The following VPS8 variants were observed in gnomAD, a reference collection of about 807,000 sequenced individuals.
VPS8 encodes the protein VPS8 subunit of CORVET complex.
In VPS8, 129 loss-of-function variants were observed where a neutral mutation model predicts 216.4. The observed-to-expected ratio is 0.60, with a 90% confidence interval of 0.52 to 0.69. VPS8 has a LOEUF of 0.69. Ranked by LOEUF, VPS8 falls within the 30% of genes least tolerant of loss-of-function variation. VPS8 has a pLI of 0.00. For missense variants in VPS8, 1,531 were observed against 1,683.5 expected (o/e 0.91, Z 1.59); for synonymous variants, 571 against 565.4 (o/e 1.01, Z -0.14).
chr3:185,017,184 G>A lies in VPS8; in HGVS notation c.4003-7152G>A, dbSNP rs140329054. Among the ~76,000 whole-genome samples, 330 of 152,134 alleles carry A rather than the reference G, an allele frequency of 2.2e-3. 4 individuals are homozygous for A. The highest frequency in any genetic ancestry group is 7.5e-3 in the African/African-American group (311 of 41,502). On this transcript the variant is annotated intron_variant, in intron 45 of 47. Coordinates refer to ENST00000625842, the MANE Select transcript of VPS8 (RefSeq NM_001009921.3). ...TTGAATAGTCCAGGTTGTCCATCGG[G>A]CCCTTCACAATGCAAAATATAACTA...
intron 45 of VPS8, among the ~76,000 whole-genome samples, chr3:185,016,386 T>G (rs1331968831): frequency 6.6e-6 from 1 of 152,336 alleles, no homozygotes; most frequent in East Asian, 1.9e-4. Flanking sequence ...TATATATCCA[T>G]ATAATGAATA....
At position 184,992,139 on chromosome 3, in the gene VPS8, A is replaced by G. The variant is rs1009938818; in HGVS notation, c.3586-1844A>G. ...ATCTTAGTTAGAAACTGCACAACCT[A>G]TTCTGCAAGAGCCATCACTAGAACC... On this transcript the variant is annotated intron_variant, in intron 42 of 47. Transcript: ENST00000625842. Among the ~76,000 whole-genome samples, 6 of 152,154 alleles carry G rather than the reference A, an allele frequency of 3.9e-5. No individual in the cohort carries two copies. The East Asian group carries it at 5.8e-4, about 15-fold the overall frequency.
At chr3:184,930,681 T>A (rs1395024958) in intron 34 of VPS8, 113 bp downstream of exon 34, 7 of 712,850 alleles carry the variant, frequency 9.8e-6, no homozygotes, top group Non-Finnish European at 1.7e-5. Context: ...TAATTTAGGG[T>A]TGAAATCTTT....
At chr3:184,941,482 C>T (rs962456614) in intron 36 of VPS8, among the ~76,000 whole-genome samples, 2 of 149,392 alleles carry the variant, frequency 1.3e-5, no homozygotes, top group Admixed American at 6.7e-5. Context: ...TCAGTTCGGG[C>T]CCTTTTCTAC....
chr3:184,949,284 G>A (rs148127913), intron 36 of VPS8, among the ~76,000 whole-genome samples: 130 of 152,120 alleles, frequency 8.5e-4, no homozygotes, highest in African/African-American at 2.7e-3. Flanking sequence ...CCAACAGCAT[G>A]AGATTCTGTC....
At chr3:184,904,610 G>A (rs535907557) in intron 25 of VPS8, among the ~76,000 whole-genome samples, 3 of 152,232 alleles carry the variant, frequency 2.0e-5, no homozygotes, top group Admixed American at 2.0e-4. Context: ...AAGGATTTGT[G>A]TGTGTATGTT....
chr3:184,853,998 A>G lies in VPS8; in HGVS notation c.963A>G (p.Ala321=), dbSNP rs1560394872. 2 of 1,613,746 alleles carry G rather than the reference A, an allele frequency of 1.2e-6. No homozygotes were observed. Among genetic ancestry groups the G allele is most frequent in the Non-Finnish European group, 8.5e-7 (1 of 1,179,776 alleles). The change falls in exon 12 of 48, where the codon GCA becomes GCG. Residue 321 remains alanine (A), a synonymous_variant. Coordinates refer to ENST00000625842, the MANE Select transcript of VPS8 (RefSeq NM_001009921.3). Reference sequence around the variant, plus strand: ...CACAGTTTTCATTATTGGCCATGGCATCCTTGACAAAAGTAAGTGTATTTA... The same window carrying G: ...CACAGTTTTCATTATTGGCCATGGCGTCCTTGACAAAAGTAAGTGTATTTA... ...PITQFSLLAM[A]SLTKILVIGL...
intron 7 of VPS8, 24 bp downstream of exon 7, chr3:184,839,776 C>T: frequency 1.3e-6 from 2 of 1,575,308 alleles, no homozygotes; most frequent in Non-Finnish European, 8.6e-7. Flanking sequence ...TGCTTTCCTG[C>T]TTTTAAATAT....
chr3:184,936,454 A>G (rs1050303433), intron 35 of VPS8, 119 bp downstream of exon 35: 57 of 957,374 alleles, frequency 6.0e-5, no homozygotes, highest in African/African-American at 1.3e-4. Flanking sequence ...AGCAGTTTCT[A>G]TTAGGTTGGT....
At chr3:184,921,845 G>A (rs1251109662) in intron 29 of VPS8, among the ~76,000 whole-genome samples, 4 of 152,162 alleles carry the variant, frequency 2.6e-5, no homozygotes, top group African/African-American at 7.2e-5. Flanking sequence ...GATTACAGGT[G>A]TGAGCCACTG....
chr3:185,039,914 A>G (rs536503373), intron 46 of VPS8, among the ~76,000 whole-genome samples: 2 of 152,270 alleles, frequency 1.3e-5, no homozygotes, highest in South Asian at 4.1e-4. Flanking sequence ...TCAGCATTTT[A>G]GCAAATTGTT....
At chr3:184,891,473 C>T (rs1408120162) in intron 22 of VPS8, among the ~76,000 whole-genome samples, 1 of 151,956 alleles carries the variant, frequency 6.6e-6, no homozygotes, top group Non-Finnish European at 1.5e-5. Context: ...TTTGTACCAA[C>T]CTAATATCAA....
At chr3:184,843,281 CT>C in intron 8 of VPS8, 36 bp downstream of exon 8, 1 of 1,363,366 alleles carries the variant, frequency 7.3e-7, no homozygotes, top group Non-Finnish European at 9.7e-7. Flanking sequence ...TGAATGGTTT[CT>C]TTTGGTCTTT....
chr3:184,855,378 G>A (rs2108683005), intron 13 of VPS8, among the ~76,000 whole-genome samples: 1 of 152,162 alleles, frequency 6.6e-6, no homozygotes, highest in South Asian at 2.1e-4. Context: ...TATTTAGCAT[G>A]CATATTATTA....
chr3:184,893,165 T>C (rs1732698001), intron 22 of VPS8: 1 of 804,164 alleles, frequency 1.2e-6, no homozygotes, highest in South Asian at 3.5e-5. Flanking sequence ...GCAAATGCTG[T>C]TAATTGCAGG....
Position 184,939,702 on chromosome 3 carries a change from C to T in VPS8, c.2989-495C>T, listed in dbSNP as rs551580743. Among the ~76,000 whole-genome samples the T allele has an allele frequency of 7.9e-5, 12 of 152,218 alleles. 2 individuals are homozygous for T. The South Asian group carries it at 2.5e-3, about 32-fold the overall frequency. Reference sequence around the variant, plus strand: ...TAACATGTTGCAGTTTGATTGGCATCTCTTCTGTAGTTGTTGATATTCATG... The same window carrying T: ...TAACATGTTGCAGTTTGATTGGCATTTCTTCTGTAGTTGTTGATATTCATG... On this transcript the variant is annotated intron_variant, in intron 35 of 47. Coordinates refer to ENST00000625842, the MANE Select transcript of VPS8 (RefSeq NM_001009921.3).
chr3:184,975,021 G>A (rs1389435726), intron 40 of VPS8, among the ~76,000 whole-genome samples: 1 of 151,962 alleles, frequency 6.6e-6, no homozygotes, highest in African/African-American at 2.4e-5. Context: ...TTTTGTTCAG[G>A]ATTGCTTTTG....
chr3:184,931,974 T>A (rs928229460), intron 34 of VPS8, among the ~76,000 whole-genome samples: 2 of 152,162 alleles, frequency 1.3e-5, no homozygotes, highest in Non-Finnish European at 2.9e-5. Flanking sequence ...GAGCAAACAT[T>A]GCTCAGCAAA....
intron 35 of VPS8, among the ~76,000 whole-genome samples, chr3:184,937,794 G>A (rs530247366): frequency 6.2e-4 from 95 of 152,334 alleles, no homozygotes; most frequent in African/African-American, 2.2e-3. Context: ...GAAGCATGAC[G>A]TCAGCAGGGG....
Sources: allele counts gnomAD v4.1 joint callset (sites outside exome capture counted in the v4.1 genomes callset), GRCh38; gene constraint gnomAD v4.1.1; transcripts MANE v1.5; gene names NCBI Gene and HGNC (gene_info 2026-07-23, HGNC 2026-07-21).